IGFL2: variants seen among roughly 807,000 people sequenced by gnomAD.
IGFL2 encodes the protein insulin growth factor-like family member 2.
A neutral mutation model predicts 13.9 loss-of-function variants in IGFL2; 7 were observed. The ratio of observed to expected loss-of-function variants is 0.51; its 90% CI spans 0.29 to 0.95. The LOEUF (loss-of-function observed/expected upper bound fraction) is 0.95, where lower values mean the gene tolerates loss of function less well. Ranked by LOEUF, IGFL2 falls within the 40% of genes least tolerant of loss-of-function variation. The pLI is 0.08. For synonymous variants in IGFL2, 55 were observed against 55.8 expected, an observed-to-expected ratio of 0.99 and a Z score of 0.07; for missense variants, 138 against 147.8, an observed-to-expected ratio of 0.93 and a Z score of 0.34.
chr19:46,103,687 A>G, the IGFL2 span, among the ~76,000 whole-genome samples: 1 of 152,212 alleles, frequency 6.6e-6, no homozygotes, highest in African/African-American at 2.4e-5. Flanking sequence ...AGTAGGGATG[A>G]CAAGTTTTTG....
chr19:46,119,283 C>G, the IGFL2 span, among the ~76,000 whole-genome samples: 2,042 of 152,250 alleles, frequency 0.013, 53 homozygotes, highest in African/African-American at 0.046. Flanking sequence ...GCCAACTGAT[C>G]GCATCTTCTT....
chr19:46,153,485 T>C (rs1200940407), intron 1 of IGFL2, among the ~76,000 whole-genome samples: 2 of 152,206 alleles, frequency 1.3e-5, no homozygotes, highest in African/African-American at 4.8e-5. Context: ...TGTCTTCTTT[T>C]GAGAACTAGG....
chr19:46,112,949 G>T, the IGFL2 span: 1 of 152,158 alleles, frequency 6.6e-6, no homozygotes, highest in Non-Finnish European at 1.5e-5. Flanking sequence ...TTGTAAGTTT[G>T]TTTTAATACC....
At chr19:46,124,860 G>A in the IGFL2 span, among the ~76,000 whole-genome samples, 2 of 150,710 alleles carry the variant, frequency 1.3e-5, no homozygotes, top group East Asian at 2.0e-4. Flanking sequence ...GAGACTGGGT[G>A]GCGTAAGGGA....
the IGFL2 span, among the ~76,000 whole-genome samples, chr19:46,172,613 A>G: frequency 1.3e-5 from 2 of 152,156 alleles, no homozygotes; most frequent in Non-Finnish European, 2.9e-5. Context: ...CACTGTGTCT[A>G]ACTTGAAAGA....
In IGFL2 at chr19:46,155,515, G is replaced by T. The variant is rs142955768; in HGVS notation, c.20-4900G>T. On this transcript the variant is annotated intron_variant, in intron 1 of 3. Coordinates refer to ENST00000377693, the MANE Select transcript of IGFL2 (RefSeq NM_001135113.2). ...GTATGCCCTTAGGACAATTTCCTGA[G>T]ACTTAACTAGTTGTTTTTATAAAAA... is the stretch of plus-strand genomic sequence containing the variant. Among the ~76,000 whole-genome samples the T allele has an allele frequency of 2.6e-5, 4 of 152,256 alleles. No homozygotes were observed. The East Asian group carries it at 7.7e-4, about 29-fold the overall frequency.
At chr19:46,138,145 G>A (rs1407060496), upstream of IGFL2, among the ~76,000 whole-genome samples, 1 of 152,168 alleles carries the variant, frequency 6.6e-6, no homozygotes, top group Admixed American at 6.5e-5. Flanking sequence ...TCATCTGTGT[G>A]GGCTGAAGTT....
At chr19:46,079,854 C>T in the IGFL2 span, among the ~76,000 whole-genome samples, 6 of 152,298 alleles carry the variant, frequency 3.9e-5, no homozygotes, top group African/African-American at 1.4e-4. Context: ...TTTGCAAACT[C>T]AGAACAGTGT....
the IGFL2 span, among the ~76,000 whole-genome samples, chr19:46,199,306 C>CAG: frequency 2.8e-3 from 432 of 152,344 alleles, 3 homozygotes; most frequent in African/African-American, 9.8e-3. Flanking sequence ...GTCAGAAAAA[C>CAG]AACCTCCTTT....
the IGFL2 span, among the ~76,000 whole-genome samples, chr19:46,205,294 G>A: frequency 6.6e-6 from 1 of 152,180 alleles, no homozygotes; most frequent in Admixed American, 6.5e-5. Flanking sequence ...TTCCACAGGT[G>A]AATGCCAGCA....
At chr19:46,185,647 A>G in the IGFL2 span, among the ~76,000 whole-genome samples, 4 of 152,230 alleles carry the variant, frequency 2.6e-5, no homozygotes, top group African/African-American at 7.2e-5. Context: ...AAGCCTGTTT[A>G]TTCCTAGAGC....
the IGFL2 span, among the ~76,000 whole-genome samples, chr19:46,197,574 C>A: frequency 6.6e-6 from 1 of 152,170 alleles, no homozygotes; most frequent in African/African-American, 2.4e-5. Context: ...AGTGTCAGCT[C>A]AGACTGGAGG....
intron 1 of IGFL2, among the ~76,000 whole-genome samples, chr19:46,148,528 A>G (rs1191846297): frequency 6.6e-6 from 1 of 152,170 alleles, no homozygotes; most frequent in African/African-American, 2.4e-5. Context: ...CCCAATGCCC[A>G]GAACCTGCAC....
At chr19:46,191,584 C>T in the IGFL2 span, among the ~76,000 whole-genome samples, 1 of 152,170 alleles carries the variant, frequency 6.6e-6, no homozygotes, top group Non-Finnish European at 1.5e-5. Context: ...TTCTCAATCT[C>T]ACCACCTGCA....
the IGFL2 span, among the ~76,000 whole-genome samples, chr19:46,094,263 C>T: frequency 6.6e-6 from 1 of 151,768 alleles, no homozygotes; most frequent in Admixed American, 6.6e-5. Context: ...ATGGAATATC[C>T]AGAAATAGAC....
upstream of IGFL2, chr19:46,148,144 CCCCA>C: frequency 1.4e-6 from 1 of 693,966 alleles, no homozygotes. Flanking sequence ...GCTTCTCATG[CCCCA>C]CCCTTTCCAA....
At chr19:46,186,823 T>TGTTTAGGGGCACAGGGAGTCCCTG in the IGFL2 span, among the ~76,000 whole-genome samples, 12 of 152,222 alleles carry the variant, frequency 7.9e-5, no homozygotes, top group Non-Finnish European at 1.6e-4. Flanking sequence ...TGTCAGGCAT[T>TGTTTAGGGGCACAGGGAGTCCCTG]GTTTAGGGGC....
upstream of IGFL2, among the ~76,000 whole-genome samples, chr19:46,145,767 A>G (rs762335793): frequency 6.6e-5 from 10 of 151,772 alleles, no homozygotes; most frequent in Non-Finnish European, 8.8e-5. Context: ...TCATGTGCTT[A>G]TTTGCTATCT....
chr19:46,208,735 T>C, the IGFL2 span: 1 of 152,270 alleles, frequency 6.6e-6, no homozygotes, highest in Non-Finnish European at 1.5e-5. Context: ...GCTCGCTCTC[T>C]TTCTCTCCTG....
Sources: allele counts gnomAD v4.1 joint callset (sites outside exome capture counted in the v4.1 genomes callset), GRCh38; gene constraint gnomAD v4.1.1; transcripts MANE v1.5; gene names NCBI Gene and HGNC (gene_info 2026-07-23, HGNC 2026-07-21).